The following IL16 variants were observed in gnomAD, a reference collection of about 807,000 sequenced individuals.
The protein encoded by IL16 is pro-interleukin-16.
IL16 carries 67 observed loss-of-function variants against 110.1 expected under a neutral mutation model. The ratio of observed to expected loss-of-function variants is 0.61; its 90% CI spans 0.50 to 0.75. The LOEUF is 0.75. IL16 is among the 30% of genes least tolerant of loss of function. The probability of loss-of-function intolerance (pLI) is 0.00; values close to 1 mark genes in which losing one functional copy is unlikely to be tolerated. For synonymous variants in IL16, 689 were observed against 662.9 expected (o/e 1.04, Z -0.61); for missense variants, 1,545 against 1,655.0 (o/e 0.93, Z 1.15).
chr15:81,191,627 C>G (rs902334151), intron 1 of IL16, among the ~76,000 whole-genome samples: 1 of 152,078 alleles, frequency 6.6e-6, no homozygotes, highest in Non-Finnish European at 1.5e-5. Context: ...CTGGCAAGTT[C>G]TATGAAGAAA....
intron 1 of IL16, among the ~76,000 whole-genome samples, chr15:81,213,330 T>A (rs539066979): frequency 6.6e-6 from 1 of 152,326 alleles, no homozygotes; most frequent in East Asian, 1.9e-4. Flanking sequence ...TGTTAGAATA[T>A]GTTTCATGTG....
rs556880428 is a variant in IL16 at position 81,312,508 on chromosome 15, G to T, written c.*3710G>T. 1.5e-4 allele frequency: 23 copies of T among 152,360 alleles called. No individual in the cohort carries two copies. The highest frequency in any genetic ancestry group is 5.3e-4 in the African/African-American group (22 of 41,578). 9.4% of individuals were successfully genotyped at this position (152,360 alleles called of 1,614,324 possible). On this transcript the variant is annotated 3_prime_UTR_variant, in exon 19 of 19. Coordinates refer to ENST00000683961, the MANE Select transcript of IL16 (RefSeq NM_172217.5). ...GAGTTCCCCATGCAGACATGAGTGC[G>T]TGCTCAGTTCAGAATCACTTCTGAG...
At chr15:81,280,104 G>A (rs1899106387) in intron 8 of IL16, among the ~76,000 whole-genome samples, 1 of 152,120 alleles carries the variant, frequency 6.6e-6, no homozygotes, top group Admixed American at 6.5e-5. Context: ...AGACGCCCTG[G>A]GCAGGCCACC....
intron 1 of IL16, among the ~76,000 whole-genome samples, chr15:81,216,140 G>A (rs957847233): frequency 6.6e-6 from 1 of 152,240 alleles, no homozygotes; most frequent in East Asian, 1.9e-4. Context: ...GGGGAATAGA[G>A]AGTCCTGGGG....
chr15:81,208,166 A>G (rs1235770049), intron 1 of IL16, among the ~76,000 whole-genome samples: 2 of 152,102 alleles, frequency 1.3e-5, no homozygotes, highest in Non-Finnish European at 2.9e-5. Context: ...GGCTGCTAGT[A>G]TGTCTTCTTT....
At chr15:81,284,014 AAAAAAAAAAGAG>A (rs1899321282) in intron 9 of IL16, among the ~76,000 whole-genome samples, 1 of 147,046 alleles carries the variant, frequency 6.8e-6, no homozygotes, top group Admixed American at 6.8e-5. Flanking sequence ...GAAAAAAAAA[AAAAAAAAAAGAG>A]AGAGAGAAGA....
chr15:81,278,949 G>T (rs1899040702), intron 7 of IL16, 59 bp downstream of exon 7: 6 of 1,124,794 alleles, frequency 5.3e-6, no homozygotes, highest in Non-Finnish European at 8.2e-6. Flanking sequence ...AAGAAACCAA[G>T]CTCTCAGCAT....
Position 81,313,560 on chromosome 15 carries a change from G to C in IL16, c.*4762G>C, listed in dbSNP as rs907002713. On this transcript the variant is annotated 3_prime_UTR_variant, in exon 19 of 19. Coordinates refer to ENST00000683961, the MANE Select transcript of IL16 (RefSeq NM_172217.5). Reference sequence around the variant, plus strand: ...GCCCTCCACCCAGGAGTCCTCTCTGGACCTGCTGATTTTCAGGATGGAAAC... The same window carrying C: ...GCCCTCCACCCAGGAGTCCTCTCTGCACCTGCTGATTTTCAGGATGGAAAC... 142 of 577,442 alleles carry C rather than the reference G, an allele frequency of 2.5e-4. 4 individuals are homozygous for C. In the East Asian group the frequency reaches 4.8e-3, roughly 19 times the overall value. 35.8% of individuals were successfully genotyped at this position (577,442 alleles called of 1,614,324 possible).
chr15:81,295,367 A>G (rs1899934272), intron 12 of IL16: 1 of 1,243,524 alleles, frequency 8.0e-7, no homozygotes, highest in South Asian at 1.3e-5. Flanking sequence ...AGAGGATGCA[A>G]TATTGGATGT....
intron 1 of IL16, among the ~76,000 whole-genome samples, chr15:81,189,308 C>G (rs1241990652): frequency 6.6e-6 from 1 of 151,870 alleles, no homozygotes; most frequent in African/African-American, 2.4e-5. Context: ...ATTTTTAGTA[C>G]AGACAGGGTT....
chr15:81,239,295 A>G (rs1298723686), intron 2 of IL16, among the ~76,000 whole-genome samples: 1 of 151,862 alleles, frequency 6.6e-6, no homozygotes, highest in Admixed American at 6.6e-5. Context: ...GTTCTGGCCT[A>G]CTCTTATGAG....
At position 81,312,047 on chromosome 15, in the gene IL16, T is replaced by C. The variant is rs4778641; in HGVS notation, c.*3249T>C. On this transcript the variant is annotated 3_prime_UTR_variant, in exon 19 of 19. Coordinates refer to ENST00000683961, the MANE Select transcript of IL16 (RefSeq NM_172217.5). ...AAGGCTGAGAACACTGTGAAAACAT[T>C]TTGCGCGCACAATAGTAACCTGGGT... 0.46 allele frequency: 69,393 copies of C among 151,672 alleles called. 17,055 individuals carry two copies. The highest frequency in any genetic ancestry group is 0.66 in the African/African-American group (27,166 of 41,296). 9.4% of individuals were successfully genotyped at this position (151,672 alleles called of 1,614,324 possible).
intron 16 of IL16, among the ~76,000 whole-genome samples, chr15:81,304,726 T>C (rs11631296): frequency 0.15 from 22,413 of 152,154 alleles, 2,091 homozygotes; most frequent in African/African-American, 0.27. Flanking sequence ...AAAAATCCTC[T>C]AGCATTGAGG....
Position 81,269,599 on chromosome 15 carries a change from T to C in IL16, c.626T>C (p.Leu209Pro), listed in dbSNP as rs1054102145. The C allele has an allele frequency of 3.7e-6, 6 of 1,613,974 alleles. No individual in the cohort carries two copies. The highest frequency in any genetic ancestry group is 5.1e-6 in the Non-Finnish European group (6 of 1,179,972). The change falls in exon 5 of 19, where the codon CTC (leucine) becomes CCC (proline). Residue 209 changes from leucine (L) to proline (P), a missense_variant. Physicochemically the swap from Leu to Pro is moderately conservative, Grantham distance 98. Around this residue, in one of 3 missense-constraint regions of IL16, gnomAD observed 1,185 missense variants for 1,238.8 expected, o/e 0.96. Transcript: ENST00000683961. ...CAGCTCGTGCAGCCATCTGGGGGCC[T>C]CCAGGCTTCAGTCATCTCCAACATC... The part of the protein sequence containing the change: ...TAQLVQPSGG[L>P]QASVISNIVL...
rs1900543153 is a variant in IL16, at chr15:81,306,134, C to A, written c.3647C>A (p.Ala1216Asp). 1.2e-6 allele frequency: 2 copies of A among 1,614,016 alleles called. No individual in the cohort carries two copies. Among genetic ancestry groups the A allele is most frequent in the Non-Finnish European group, 8.5e-7 (1 of 1,180,032 alleles). The change falls in exon 17 of 19, where the codon GCC becomes GAC. Residue 1216 changes from alanine (A) to aspartate (D), a missense_variant. Transcript: ENST00000683961. ...LNSSTDSAAS[A>D]SAASDVSVES... ...TCCTCCACTGACTCTGCAGCCTCAG[C>A]CTCTGCAGCCAGTGATGTTTCTGTA...
chr15:81,274,965 G>A (rs972694861), intron 6 of IL16, among the ~76,000 whole-genome samples: 9 of 152,066 alleles, frequency 5.9e-5, no homozygotes, highest in Non-Finnish European at 1.3e-4. Context: ...GTGAGCCCCA[G>A]GCTCCAGCTC....
rs1472790757 is a variant in IL16 at position 81,225,633 on chromosome 15, A to T, written c.234A>T (p.Ala78=). ...EAGPSSVPDL[A]LASEAAQLQA... ...GGCCCAGCAGTGTTCCTGATCTAGC[A>T]CTGGCCTCGGAGGCTGCTCAACTCC... Residue 78 remains alanine (A), a synonymous_variant, in exon 2 of 19, where the codon GCA becomes GCT. Transcript: ENST00000683961. The T allele has an allele frequency of 6.2e-7, 1 of 1,614,104 alleles. No homozygotes were observed.
At chr15:81,280,875 A>C (rs1021190136) in intron 8 of IL16, among the ~76,000 whole-genome samples, 1 of 152,232 alleles carries the variant, frequency 6.6e-6, no homozygotes, top group African/African-American at 2.4e-5. Flanking sequence ...TTTGCTGAGC[A>C]GGCATAAAAT....
intron 11 of IL16, chr15:81,291,857 C>A: frequency 2.2e-6 from 1 of 453,444 alleles, no homozygotes; most frequent in Non-Finnish European, 4.4e-6. Context: ...CAGGTAGTTT[C>A]TCTGTCTTTG....
Sources: gnomAD v4.1 joint callset for allele counts (sites outside exome capture counted in the v4.1 genomes callset) on GRCh38, gnomAD v4.1.1 for gene constraint, gnomAD v4.1.1 regional missense constraint, MANE v1.5 for transcripts, NCBI Gene and HGNC (gene_info 2026-07-23, HGNC 2026-07-21) for gene names.